GET1: variants seen among roughly 807,000 people sequenced by gnomAD.
GET1 encodes congenital heart disease 5 protein.
Under a neutral mutation model 22.6 loss-of-function variants are expected in GET1, and 20 were observed. That is an observed-to-expected ratio of 0.89 (90% confidence interval 0.62 to 1.29). The LOEUF (loss-of-function observed/expected upper bound fraction) is 1.29, where lower values mean the gene tolerates loss of function less well. GET1 is among the 50% of genes most tolerant of loss of function. The pLI, the probability that GET1 is intolerant of heterozygous loss-of-function variation, is 0.00. For synonymous variants in GET1, 92 were observed against 83.8 expected (o/e 1.10, Z -0.53); for missense variants, 209 against 219.9 (o/e 0.95, Z 0.31).
exon 2 of GET1, chr21:39,428,445 C>T (rs2837029): frequency 0.2 from 328,275 of 1,608,006 alleles, 36,533 homozygotes; most frequent in African/African-American, 0.39. Context: ...AATGCCACGC[C>T]GAAGAAATGC....
intron 1 of GET1, chr21:39,386,371 T>C (rs533424261): frequency 9.2e-5 from 14 of 152,370 alleles, no homozygotes; most frequent in Non-Finnish European, 1.6e-4. Context: ...TCACAGGACC[T>C]ACCCCAGAAT....
At position 39,397,839 on chromosome 21, in the gene GET1, G is replaced by A. The variant is rs968615772; in HGVS notation, c.*900G>A. The A allele has an allele frequency of 1.3e-5, 2 of 152,202 alleles. No individual in the cohort carries two copies. The highest frequency in any genetic ancestry group is 4.8e-5 in the African/African-American group (2 of 41,442). 9.4% of individuals were successfully genotyped at this position (152,202 alleles called of 1,614,324 possible). ...GCTGTGAGCCACCCGCAACTGACAA[G>A]TGGCTGTTAACTGAGTCACCATATC... On this transcript the variant is annotated 3_prime_UTR_variant, in exon 5 of 5. Transcript: ENST00000649170.
chr21:39,420,037 T>A (rs2042022397), intron 1 of GET1, among the ~76,000 whole-genome samples: 2 of 152,198 alleles, frequency 1.3e-5, no homozygotes, highest in African/African-American at 4.8e-5. Flanking sequence ...TACATTAAAA[T>A]GTTAACAAAC....
chr21:39,390,042 G>GTTTTTTTTTT (rs553712185), intron 1 of GET1, among the ~76,000 whole-genome samples: 1 of 130,902 alleles, frequency 7.6e-6, no homozygotes, highest in Non-Finnish European at 1.6e-5. Context: ...TTGAATATGA[G>GTTTTTTTTTT]TTTTTTTTTT....
At chr21:39,425,788 G>A (rs1371191915) in intron 1 of GET1, 1 of 150,334 alleles carries the variant, frequency 6.7e-6, no homozygotes, top group East Asian at 1.9e-4. Flanking sequence ...CTGGAGGAGA[G>A]GGATTTCACT....
At chr21:39,422,225 A>C (rs1343692407) in intron 1 of GET1, 1 of 152,238 alleles carries the variant, frequency 6.6e-6, no homozygotes, top group African/African-American at 2.4e-5. Flanking sequence ...TCAGCATCAA[A>C]TATTACAGAA....
intron 1 of GET1, among the ~76,000 whole-genome samples, chr21:39,425,160 T>C (rs1052742051): frequency 6.6e-6 from 1 of 152,250 alleles, no homozygotes; most frequent in African/African-American, 2.4e-5. Context: ...ACTCTAAAAA[T>C]GTCTGATCCT....
chr21:39,381,011 C>A, intron 1 of GET1: 1 of 936,226 alleles, frequency 1.1e-6, no homozygotes, highest in Non-Finnish European at 1.3e-6. Flanking sequence ...GGGGAACACT[C>A]TCTTTCTGCC....
At chr21:39,414,714 CT>C in intron 1 of GET1, among the ~76,000 whole-genome samples, 3 of 100,080 alleles carry the variant, frequency 3.0e-5, no homozygotes, top group African/African-American at 1.2e-4. Context: ...GGTTCTCTCC[CT>C]CTCTCTCTCT....
At chr21:39,414,734 C>CTGTGTGTGTG (rs1446676855) in intron 1 of GET1, among the ~76,000 whole-genome samples, 73 of 103,246 alleles carry the variant, frequency 7.1e-4, no homozygotes, top group African/African-American at 2.8e-3. Flanking sequence ...CTCTCTCTCT[C>CTGTGTGTGTG]TCTCTCTCTG....
intron 1 of GET1, among the ~76,000 whole-genome samples, chr21:39,424,422 A>G (rs1405130418): frequency 6.6e-6 from 1 of 152,216 alleles, no homozygotes; most frequent in African/African-American, 2.4e-5. Flanking sequence ...TTGAGGCTGC[A>G]GTGAGCTATG....
chr21:39,413,079 G>T, intron 1 of GET1, among the ~76,000 whole-genome samples: 1 of 152,192 alleles, frequency 6.6e-6, no homozygotes, highest in Admixed American at 6.5e-5. Context: ...GGATTTATTT[G>T]ACCAGACTGA....
chr21:39,393,109 T>A (rs2038413958), intron 3 of GET1, 57 bp from the exon 4 acceptor site: 1 of 1,438,712 alleles, frequency 7.0e-7, no homozygotes. Flanking sequence ...TCCTCCCTTC[T>A]GTGTGGTCGG....
chr21:39,417,792 G>A (rs1221489875), intron 1 of GET1, among the ~76,000 whole-genome samples: 1 of 151,846 alleles, frequency 6.6e-6, no homozygotes, highest in African/African-American at 2.4e-5. Context: ...TTGAGATGGA[G>A]TCTCGCTCTG....
At chr21:39,393,073 C>T (rs1363570182) in intron 3 of GET1, 93 bp from the exon 4 acceptor site, 1 of 1,095,668 alleles carries the variant, frequency 9.1e-7, no homozygotes, top group Non-Finnish European at 1.4e-6. Flanking sequence ...GGAGAGTTTT[C>T]CTGGTTTTAT....
chr21:39,414,706 T>C (rs2040734622), intron 1 of GET1, among the ~76,000 whole-genome samples: 1 of 132,550 alleles, frequency 7.5e-6, no homozygotes, highest in African/African-American at 2.9e-5. Context: ...ATCTGTCTGG[T>C]TCTCTCCCTC....
At chr21:39,427,999 A>G in intron 1 of GET1, 1 of 521,568 alleles carries the variant, frequency 1.9e-6, no homozygotes, top group Non-Finnish European at 3.5e-6. Flanking sequence ...TTATTTTATA[A>G]TTACTCTTAA....
chr21:39,404,066 T>G (rs1158288076), intron 4 of GET1, among the ~76,000 whole-genome samples: 1 of 152,158 alleles, frequency 6.6e-6, no homozygotes, highest in Non-Finnish European at 1.5e-5. Context: ...GCCATTACAG[T>G]TAATATTACA....
chr21:39,418,528 C>T (rs528554731), intron 1 of GET1, among the ~76,000 whole-genome samples: 6 of 151,580 alleles, frequency 4.0e-5, no homozygotes, highest in African/African-American at 1.5e-4. Context: ...TGAGATGGAG[C>T]CTCACTCTGT....
Sources: allele counts gnomAD v4.1 joint callset (sites outside exome capture counted in the v4.1 genomes callset), GRCh38; gene constraint gnomAD v4.1.1; transcripts MANE v1.5; gene names NCBI Gene and HGNC (gene_info 2026-07-23, HGNC 2026-07-21).